Variants in PIAS1 observed in about 807,000 individuals in gnomAD.
The protein encoded by PIAS1 is protein inhibitor of activated STAT 1.
Under a neutral mutation model 71.3 loss-of-function variants are expected in PIAS1, and 6 were observed. The ratio of observed to expected loss-of-function variants is 0.08; its 90% CI spans 0.05 to 0.17. PIAS1 has a LOEUF of 0.17. Ranked by LOEUF, PIAS1 falls within the 10% of genes least tolerant of loss-of-function variation. PIAS1 has a pLI of 1.00. For synonymous variants in PIAS1, 303 were observed against 292.9 expected (o/e 1.03, Z -0.35); for missense variants, 555 against 793.6 (o/e 0.70, Z 3.61).
At chr15:68,118,390 G>A (rs1420615021) in intron 2 of PIAS1, among the ~76,000 whole-genome samples, 1 of 152,054 alleles carries the variant, frequency 6.6e-6, no homozygotes, top group Non-Finnish European at 1.5e-5. Flanking sequence ...AGGCTAGAGT[G>A]CGGTGGCACA....
At chr15:68,154,613 G>A (rs1341126803) in intron 7 of PIAS1, among the ~76,000 whole-genome samples, 2 of 152,132 alleles carry the variant, frequency 1.3e-5, no homozygotes, top group Admixed American at 1.3e-4. Context: ...TATTTCTGTG[G>A]CAGAGTAAAA....
chr15:68,085,924 C>T (rs2092277247), intron 1 of PIAS1, among the ~76,000 whole-genome samples: 1 of 152,084 alleles, frequency 6.6e-6, no homozygotes, highest in South Asian at 2.1e-4. Context: ...ACAAAATATT[C>T]TTGAGAGCAC....
intron 13 of PIAS1, 77 bp downstream of exon 13, chr15:68,183,744 T>G (rs2093070461): frequency 1.1e-5 from 7 of 634,404 alleles, no homozygotes; most frequent in Admixed American, 2.8e-5. Context: ...GACATTTTGG[T>G]CAATGACAGG....
At chr15:68,145,012 C>T (rs2092798630) in intron 4 of PIAS1, among the ~76,000 whole-genome samples, 1 of 151,912 alleles carries the variant, frequency 6.6e-6, no homozygotes, top group Non-Finnish European at 1.5e-5. Context: ...TATTAGCATT[C>T]TATAACAGTG....
chr15:68,091,870 C>G (rs2092334496), intron 2 of PIAS1, among the ~76,000 whole-genome samples: 1 of 152,096 alleles, frequency 6.6e-6, no homozygotes, highest in South Asian at 2.1e-4. Context: ...GTTTTGTTAC[C>G]AACAGAATGG....
At chr15:68,172,104 C>T (rs1389481484) in intron 8 of PIAS1, among the ~76,000 whole-genome samples, 12 of 151,728 alleles carry the variant, frequency 7.9e-5, no homozygotes, top group African/African-American at 2.4e-4. Context: ...TGATGTTCCC[C>T]GCCCTGTGTC....
At chr15:68,163,480 G>T (rs2092937708) in intron 7 of PIAS1, among the ~76,000 whole-genome samples, 1 of 152,112 alleles carries the variant, frequency 6.6e-6, no homozygotes, top group African/African-American at 2.4e-5. Flanking sequence ...CTACCAATTG[G>T]TGTCCCTCTT....
intron 2 of PIAS1, among the ~76,000 whole-genome samples, chr15:68,141,304 C>T (rs2092768350): frequency 6.6e-6 from 1 of 152,128 alleles, no homozygotes; most frequent in Non-Finnish European, 1.5e-5. Context: ...TGCTTGCATG[C>T]GTTTCTCTTT....
chr15:68,143,243 G>A (rs903782246), intron 4 of PIAS1, among the ~76,000 whole-genome samples: 1 of 152,032 alleles, frequency 6.6e-6, no homozygotes, highest in African/African-American at 2.4e-5. Flanking sequence ...AAATCAAACA[G>A]TTAGCCTTGT....
chr15:68,068,296 G>C (rs2092051469), intron 1 of PIAS1, among the ~76,000 whole-genome samples: 1 of 152,184 alleles, frequency 6.6e-6, no homozygotes, highest in Non-Finnish European at 1.5e-5. Context: ...CTTGAGCCAG[G>C]AGGTTGAGGC....
intron 2 of PIAS1, among the ~76,000 whole-genome samples, chr15:68,131,319 C>T (rs1331025542): frequency 6.6e-6 from 1 of 152,080 alleles, no homozygotes; most frequent in Non-Finnish European, 1.5e-5. Flanking sequence ...TCTTCGACTA[C>T]CATGTGAAAT....
intron 1 of PIAS1, chr15:68,057,454 A>C (rs1309830921): frequency 4.6e-6 from 2 of 433,642 alleles, no homozygotes; most frequent in Non-Finnish European, 4.5e-6. Context: ...ACTCAAACCA[A>C]GTTATAGTGC....
rs1357940195 is a variant in PIAS1 at position 68,135,358 on chromosome 15, G to A, written c.470-6588G>A. The stretch of plus-strand genomic sequence containing the variant: ...CACCTCCCGGATGGGGCGGCTGGCC[G>A]GGCGGGGGGCTGACCCCCACACCGC... On this transcript the variant is annotated intron_variant, in intron 2 of 13. Coordinates refer to ENST00000249636, the MANE Select transcript of PIAS1 (RefSeq NM_016166.3). Among the ~76,000 whole-genome samples the A allele has an allele frequency of 1.2e-4, 5 of 42,244 alleles. 2 individuals carry two copies. Among genetic ancestry groups the A allele is most frequent in the African/African-American group, 2.5e-4 (5 of 19,626 alleles). 27.7% of individuals were successfully genotyped at this position (42,244 alleles called of 152,430 possible).
chr15:68,063,560 T>TC (rs2091983875), intron 1 of PIAS1, among the ~76,000 whole-genome samples: 2 of 152,344 alleles, frequency 1.3e-5, no homozygotes, highest in Admixed American at 1.3e-4. Context: ...GTGTATGAGG[T>TC]ACCAGGTTAT....
intron 2 of PIAS1, among the ~76,000 whole-genome samples, chr15:68,116,624 G>T (rs1245865546): frequency 6.6e-6 from 1 of 151,728 alleles, no homozygotes; most frequent in Non-Finnish European, 1.5e-5. Context: ...ATTCCTTTGG[G>T]TTTCATTTCT....
intron 2 of PIAS1, among the ~76,000 whole-genome samples, chr15:68,126,033 C>T (rs1003404344): frequency 2.0e-5 from 3 of 151,868 alleles, no homozygotes; most frequent in African/African-American, 7.2e-5. Flanking sequence ...CCTGTTCTTG[C>T]CCCACCTCTC....
Position 68,092,746 on chromosome 15 carries a change from A to G in PIAS1, c.469+5996A>G, listed in dbSNP as rs184366892. Among the ~76,000 whole-genome samples the G allele has an allele frequency of 1.1e-3, 168 of 152,322 alleles. 1 individual carries two copies. Among genetic ancestry groups the G allele is most frequent in the African/African-American group, 3.9e-3 (163 of 41,572 alleles). Reference sequence around the variant, plus strand: ...ATTTGCCCCCTTTCACCCTGTGAGGACACAGCTAAAAGGTGCTGTCTATGA... The same window carrying G: ...ATTTGCCCCCTTTCACCCTGTGAGGGCACAGCTAAAAGGTGCTGTCTATGA... On this transcript the variant is annotated intron_variant, in intron 2 of 13. Transcript: ENST00000249636.
chr15:68,102,438 C>G (rs1203563617), intron 2 of PIAS1, among the ~76,000 whole-genome samples: 4 of 152,120 alleles, frequency 2.6e-5, no homozygotes, highest in Non-Finnish European at 5.9e-5. Context: ...GTTCTTTTGC[C>G]TTTCCACACA....
intron 2 of PIAS1, among the ~76,000 whole-genome samples, chr15:68,113,510 C>G (rs911803028): frequency 6.6e-6 from 1 of 152,188 alleles, no homozygotes. Flanking sequence ...TTAAAACAGC[C>G]TAATGGTCTG....
Sources: allele counts gnomAD v4.1 joint callset (sites outside exome capture counted in the v4.1 genomes callset), GRCh38; gene constraint gnomAD v4.1.1; transcripts MANE v1.5; gene names NCBI Gene and HGNC (gene_info 2026-07-23, HGNC 2026-07-21).